Variants in ANK3 observed in about 807,000 individuals in gnomAD.
ANK3 encodes the protein ankyrin-3.
Under a neutral mutation model 370.9 loss-of-function variants are expected in ANK3, and 57 were observed. The ratio of observed to expected loss-of-function variants is 0.15; its 90% confidence interval spans 0.12 to 0.19. The LOEUF (loss-of-function observed/expected upper bound fraction) is 0.19. ANK3 is among the 10% of genes least tolerant of loss of function. The pLI, the probability that ANK3 is intolerant of heterozygous loss-of-function variation, is 1.00. For synonymous variants in ANK3, 1,929 were observed against 1,946.3 expected (o/e 0.99, Z 0.23); for missense variants, 4,439 against 5,302.1 (o/e 0.84, Z 5.06).
intron 8 of ANK3, among the ~76,000 whole-genome samples, chr10:60,226,510 CATAGTATATATACT>C (rs1269159891): frequency 0.037 from 1,905 of 51,630 alleles, 48 homozygotes; most frequent in Middle Eastern, 0.06. Flanking sequence ...AGTATATATA[CATAGTATATATACT>C]ATAGTATATA....
intron 7 of ANK3, among the ~76,000 whole-genome samples, chr10:60,237,213 TTA>T: frequency 6.6e-6 from 1 of 152,218 alleles, no homozygotes; most frequent in East Asian, 1.9e-4. Context: ...TCAGATCTGC[TTA>T]TGTCTGTTTT....
chr10:60,072,387 C>G lies in ANK3; in HGVS notation c.8494G>C (p.Asp2832His). The change falls in exon 37 of 44, where the codon GAC becomes CAC. Residue 2832 changes from aspartate (D) to histidine (H), a missense_variant. Around this residue, in one of 13 missense-constraint regions of ANK3, gnomAD observed 1,601 missense variants for 1,731.7 expected, o/e 0.92. Coordinates refer to ENST00000280772, the MANE Select transcript of ANK3 (RefSeq NM_020987.5). ...TCTGAGGTTATATGACATGCCAAGT[C>G]TTTAGCCTGCTGCTCAGAAAAAGAG... ...PDSFSEQQAK[D>H]LACHITSDLA... 6.2e-7 allele frequency: 1 copy of G among 1,613,898 alleles called. No individual in the cohort carries two copies. Among genetic ancestry groups the G allele is most frequent in the East Asian group, 2.2e-5 (1 of 44,892 alleles).
chr10:60,588,371 G>C (rs558526013), intron 2 of ANK3, among the ~76,000 whole-genome samples: 23 of 151,668 alleles, frequency 1.5e-4, no homozygotes, highest in African/African-American at 5.3e-4. Context: ...TTTTAGTAGA[G>C]ACAGGGTTTC....
intron 30 of ANK3, 123 bp downstream of exon 30, chr10:60,086,554 C>G: frequency 1.2e-6 from 1 of 824,002 alleles, no homozygotes; most frequent in Non-Finnish European, 1.8e-6. Flanking sequence ...ATGTTTTGTT[C>G]TTTTATTTTC....
intron 1 of ANK3, among the ~76,000 whole-genome samples, chr10:60,728,091 G>A (rs934157435): frequency 6.6e-6 from 1 of 152,152 alleles, no homozygotes; most frequent in Non-Finnish European, 1.5e-5. Context: ...GTAGGAATCA[G>A]CAAATGCTAC....
intron 2 of ANK3, among the ~76,000 whole-genome samples, chr10:60,431,190 G>T (rs914325284): frequency 6.6e-6 from 1 of 152,168 alleles, no homozygotes; most frequent in Non-Finnish European, 1.5e-5. Context: ...AAACTAGATG[G>T]TCCCATCTGG....
At chr10:60,689,621 G>A (rs1012321502) in intron 1 of ANK3, among the ~76,000 whole-genome samples, 7 of 151,448 alleles carry the variant, frequency 4.6e-5, no homozygotes, top group Non-Finnish European at 8.8e-5. Flanking sequence ...GCATGGTGTC[G>A]AGTGCCTGTA....
chr10:60,712,801 G>A (rs2079728101), intron 1 of ANK3, among the ~76,000 whole-genome samples: 1 of 152,148 alleles, frequency 6.6e-6, no homozygotes, highest in Non-Finnish European at 1.5e-5. Context: ...AATGACAGCT[G>A]ATGTAGCTAT....
chr10:60,209,929 G>T (rs2096825913), intron 9 of ANK3, among the ~76,000 whole-genome samples: 1 of 152,142 alleles, frequency 6.6e-6, no homozygotes, highest in East Asian at 1.9e-4. Flanking sequence ...GATAATTGGA[G>T]AAGGACAAGA....
At chr10:60,078,766 C>T (rs1207224824) in intron 36 of ANK3, among the ~76,000 whole-genome samples, 1 of 152,168 alleles carries the variant, frequency 6.6e-6, no homozygotes, top group Non-Finnish European at 1.5e-5. Flanking sequence ...GTTCCCATAA[C>T]ACCAGTTTTG....
At chr10:60,353,263 G>A (rs2057217421) in intron 1 of ANK3, among the ~76,000 whole-genome samples, 1 of 151,704 alleles carries the variant, frequency 6.6e-6, no homozygotes. Context: ...AAAATGCTGG[G>A]ATTACAGGCA....
At chr10:60,353,204 G>A (rs1387315423) in intron 1 of ANK3, among the ~76,000 whole-genome samples, 2 of 148,704 alleles carry the variant, frequency 1.3e-5, no homozygotes, top group Non-Finnish European at 3.0e-5. Flanking sequence ...TGTTGCGCAG[G>A]CTGGTCTCAA....
chr10:60,462,253 C>T (rs1000904884), intron 2 of ANK3, among the ~76,000 whole-genome samples: 1 of 152,090 alleles, frequency 6.6e-6, no homozygotes, highest in Admixed American at 6.6e-5. Context: ...GGAGAAGACT[C>T]GTTTTAATGA....
intron 1 of ANK3, among the ~76,000 whole-genome samples, chr10:60,688,550 G>A (rs1400502411): frequency 6.6e-6 from 1 of 152,116 alleles, no homozygotes; most frequent in Non-Finnish European, 1.5e-5. Context: ...TTTTATTTCT[G>A]TCAGCTGCTA....
chr10:60,130,836 A>G (rs1354219964), intron 25 of ANK3, among the ~76,000 whole-genome samples: 1 of 152,176 alleles, frequency 6.6e-6, no homozygotes, highest in Non-Finnish European at 1.5e-5. Flanking sequence ...TTTAGTCTCA[A>G]AACTAGAGAC....
Position 60,073,090 on chromosome 10 carries a change from G to C in ANK3, c.7791C>G (p.Asp2597Glu), listed in dbSNP as rs2083070760. 4 of 1,614,012 alleles carry C rather than the reference G, an allele frequency of 2.5e-6. No homozygotes were observed. The highest frequency in any genetic ancestry group is 2.2e-5 in the South Asian group (2 of 91,074). ...KLTEVSQFFR[D>E]KTEKLNDELQ... ...GTTCATCATTTAGCTTTTCAGTTTT[G>C]TCACGAAAAAACTGTGACACTTCAG... The change falls in exon 37 of 44, where the codon GAC becomes GAG. Residue 2597 changes from aspartate (D) to glutamate (E), a missense_variant. Transcript: ENST00000280772.
At chr10:60,460,412 C>T (rs552342659) in intron 2 of ANK3, among the ~76,000 whole-genome samples, 2 of 152,198 alleles carry the variant, frequency 1.3e-5, no homozygotes, top group South Asian at 4.2e-4. Context: ...AAGATGATTG[C>T]CAGAGTCAGC....
chr10:60,055,679 C>A lies in ANK3; in HGVS notation c.13044G>T (p.Gly4348=), dbSNP rs750802679. ...GTACCTTTTGCTCAGACCCACTGGA[C>A]CCCTCTTCTTCATGGAGGCTAAGCC... ...KPRLSLHEEE[G]SSGSEQKQGE... is the part of the protein sequence containing the mutation. The change falls in exon 42 of 44, where the codon GGG becomes GGT. Residue 4348 remains glycine (G), a synonymous_variant. Transcript: ENST00000280772. The A allele has an allele frequency of 1.2e-6, 2 of 1,612,298 alleles. No homozygotes were observed. Among genetic ancestry groups the A allele is most frequent in the Non-Finnish European group, 8.5e-7 (1 of 1,179,494 alleles).
At chr10:60,219,725 T>C (rs1305382325) in intron 8 of ANK3, among the ~76,000 whole-genome samples, 1 of 152,122 alleles carries the variant, frequency 6.6e-6, no homozygotes, top group Non-Finnish European at 1.5e-5. Context: ...CTAAGGATAA[T>C]CACATTAAAA....
Sources: allele counts gnomAD v4.1 joint callset (sites outside exome capture counted in the v4.1 genomes callset), GRCh38; gene constraint gnomAD v4.1.1; regional missense constraint gnomAD v4.1.1; transcripts MANE v1.5; gene names NCBI Gene and HGNC (gene_info 2026-07-23, HGNC 2026-07-21).